The following STPG2 variants were observed in gnomAD, a reference collection of about 807,000 sequenced individuals.
The protein encoded by STPG2 is sperm-tail PG-rich repeat-containing protein 2.
STPG2 carries 56 observed loss-of-function variants against 54.2 expected under a neutral mutation model. That is an observed-to-expected ratio of 1.03 (90% CI 0.83 to 1.29). The LOEUF (loss-of-function observed/expected upper bound fraction) is 1.29, where lower values mean the gene tolerates loss of function less well. Ranked by LOEUF, STPG2 falls within the 50% of genes most tolerant of loss-of-function variation. STPG2 has a pLI of 0.00. For missense variants in STPG2, 596 were observed against 544.9 expected (o/e 1.09, Z -0.93); for synonymous variants, 200 against 181.8 (o/e 1.10, Z -0.81).
chr4:98,005,658 T>A (rs1305723227), intron 5 of STPG2, among the ~76,000 whole-genome samples: 1 of 152,226 alleles, frequency 6.6e-6, no homozygotes, highest in Non-Finnish European at 1.5e-5. Flanking sequence ...ATTCTTGTAA[T>A]GTGATATATC....
chr4:97,855,499 G>T (rs778902792), intron 8 of STPG2, among the ~76,000 whole-genome samples: 1 of 151,798 alleles, frequency 6.6e-6, no homozygotes, highest in Non-Finnish European at 1.5e-5. Context: ...CATGTCCTTC[G>T]CCTACTTTTT....
chr4:97,615,171 A>C (rs1001324936), intron 10 of STPG2, among the ~76,000 whole-genome samples: 1 of 152,120 alleles, frequency 6.6e-6, no homozygotes. Context: ...AGCAGAATGC[A>C]TGTTGCTTTG....
intron 8 of STPG2, among the ~76,000 whole-genome samples, chr4:97,895,764 G>A (rs988616488): frequency 2.6e-5 from 4 of 151,628 alleles, no homozygotes; most frequent in Non-Finnish European, 4.4e-5. Flanking sequence ...AGTAAGTTAC[G>A]GGCTCATGTT....
intron 4 of STPG2, among the ~76,000 whole-genome samples, chr4:97,484,675 G>C (rs984695293): frequency 6.6e-6 from 1 of 151,600 alleles, no homozygotes; most frequent in Non-Finnish European, 1.5e-5. Flanking sequence ...TATTCCATAA[G>C]ATAGAGAAAG....
rs1056205783 is a variant in STPG2 at position 97,942,117 on chromosome 4, C to T, written c.1044+1780G>A. Among the ~76,000 whole-genome samples, 6 of 150,082 alleles carry T rather than the reference C, an allele frequency of 4.0e-5. 1 individual carries two copies. The highest frequency in any genetic ancestry group is 4.2e-4 in the South Asian group (2 of 4,746). ...AGTTTAACATATATATGTATAGATA[C>T]GTTTTAAATATATATATGTGTGTAT... On this transcript the variant is annotated intron_variant, in intron 8 of 10. Transcript: ENST00000295268.
intron 1 of STPG2, among the ~76,000 whole-genome samples, chr4:98,138,159 C>G (rs1285622479): frequency 6.6e-6 from 1 of 151,960 alleles, no homozygotes; most frequent in Non-Finnish European, 1.5e-5. Context: ...AGATAAAACT[C>G]TGCCCTCAAG....
At chr4:97,459,849 A>G (rs999504818) in intron 4 of STPG2, among the ~76,000 whole-genome samples, 4 of 152,100 alleles carry the variant, frequency 2.6e-5, no homozygotes, top group African/African-American at 9.7e-5. Context: ...GGTCCTTCTA[A>G]TCACCGAGTT....
At chr4:97,548,717 G>A (rs982104073) in intron 4 of STPG2, among the ~76,000 whole-genome samples, 4 of 152,048 alleles carry the variant, frequency 2.6e-5, no homozygotes, top group South Asian at 2.1e-4. Flanking sequence ...ACTGATTTAT[G>A]TAGTTGTTTA....
chr4:97,842,787 T>C (rs1030626966), intron 8 of STPG2, among the ~76,000 whole-genome samples: 1 of 151,884 alleles, frequency 6.6e-6, no homozygotes, highest in Admixed American at 6.6e-5. Flanking sequence ...ACCAATCCAA[T>C]GTATACTACC....
intron 5 of STPG2, among the ~76,000 whole-genome samples, chr4:97,993,278 G>C (rs1287041649): frequency 6.6e-6 from 1 of 152,070 alleles, no homozygotes; most frequent in Non-Finnish European, 1.5e-5. Flanking sequence ...ATTTTGCTGA[G>C]GGTTTAATCC....
chr4:97,893,631 C>T (rs1182284228), intron 8 of STPG2, among the ~76,000 whole-genome samples: 1 of 151,972 alleles, frequency 6.6e-6, no homozygotes, highest in Non-Finnish European at 1.5e-5. Context: ...AAAAAACTTA[C>T]TGCTGTCAGG....
chr4:97,893,814 A>G (rs1371692172), intron 8 of STPG2, among the ~76,000 whole-genome samples: 1 of 152,008 alleles, frequency 6.6e-6, no homozygotes, highest in Non-Finnish European at 1.5e-5. Context: ...GAAAGGAAAG[A>G]ATGGATGTTG....
intron 9 of STPG2, among the ~76,000 whole-genome samples, chr4:97,742,121 A>C (rs560368025): frequency 6.6e-6 from 1 of 152,158 alleles, no homozygotes; most frequent in East Asian, 1.9e-4. Context: ...AGAAAAAAAA[A>C]CCAAACACCG....
At chr4:97,904,658 C>T (rs147918778) in intron 8 of STPG2, among the ~76,000 whole-genome samples, 14 of 152,100 alleles carry the variant, frequency 9.2e-5, no homozygotes, top group East Asian at 3.9e-4. Context: ...CAAATTACTC[C>T]GAGCTATGGG....
intron 10 of STPG2, among the ~76,000 whole-genome samples, chr4:97,590,642 C>G (rs371881453): frequency 3.4e-5 from 5 of 146,796 alleles, no homozygotes; most frequent in African/African-American, 1.3e-4. Context: ...CACACAGACA[C>G]ACACACACAC....
chr4:98,130,408 C>T (rs1412463748), intron 2 of STPG2, among the ~76,000 whole-genome samples: 2 of 152,118 alleles, frequency 1.3e-5, no homozygotes, highest in African/African-American at 2.4e-5. Context: ...AAACTCTTGG[C>T]CACAAGTGAT....
At chr4:97,848,677 TA>T (rs1028896762) in intron 8 of STPG2, among the ~76,000 whole-genome samples, 1 of 152,182 alleles carries the variant, frequency 6.6e-6, no homozygotes, top group African/African-American at 2.4e-5. Flanking sequence ...GATTTTTGTA[TA>T]AGGTGTAAAG....
chr4:97,561,583 C>T (rs963459326), intron 10 of STPG2, among the ~76,000 whole-genome samples: 1 of 152,092 alleles, frequency 6.6e-6, no homozygotes, highest in African/African-American at 2.4e-5. Context: ...GGTTTAAGGT[C>T]TAACATTTAA....
intron 7 of STPG2, among the ~76,000 whole-genome samples, chr4:97,959,431 A>G (rs1481874405): frequency 1.3e-5 from 2 of 151,958 alleles, no homozygotes; most frequent in Admixed American, 1.3e-4. Context: ...AAGAAAAAAG[A>G]TAAATAAAAT....
Sources: gnomAD v4.1 joint callset for allele counts (sites outside exome capture counted in the v4.1 genomes callset) on GRCh38, gnomAD v4.1.1 for gene constraint, MANE v1.5 for transcripts, NCBI Gene and HGNC (gene_info 2026-07-23, HGNC 2026-07-21) for gene names.